The following ANKRD60 variants were observed in gnomAD, a reference collection of about 807,000 sequenced individuals.
ANKRD60 encodes ankyrin repeat domain-containing protein 60.
ANKRD60 carries 24 observed loss-of-function variants against 21.3 expected under a neutral mutation model. That is an observed-to-expected ratio of 1.13 (90% CI 0.82 to 1.59). The LOEUF (loss-of-function observed/expected upper bound fraction) is 1.59, where lower values mean the gene tolerates loss of function less well. ANKRD60 is among the 40% of genes most tolerant of loss of function. ANKRD60 has a pLI of 0.00. For synonymous variants in ANKRD60, 182 were observed against 199.4 expected, an observed-to-expected ratio of 0.91 and a Z score of 0.74; for missense variants, 490 against 466.7, an observed-to-expected ratio of 1.05 and a Z score of -0.46.
At chr20:58,218,084 C>T (rs191159996), downstream of ANKRD60, among the ~76,000 whole-genome samples, 3 of 152,290 alleles carry the variant, frequency 2.0e-5, no homozygotes, top group East Asian at 1.9e-4. Context: ...ACACTACACA[C>T]GACCTCCTGA....
chr20:58,225,611 T>C lies in ANKRD60; in HGVS notation c.431-2429A>G, dbSNP rs148017721. Among the ~76,000 whole-genome samples, 347 of 152,206 alleles carry C rather than the reference T, an allele frequency of 2.3e-3. 1 individual carries two copies. The highest frequency in any genetic ancestry group is 7.9e-3 in the African/African-American group (327 of 41,524). ...AATTCCAGAGCTGGTTTCTCTGTGT[T>C]ACGGATTAGGAAACTGAGCCCAGAA... On this transcript the variant is annotated intron_variant, in intron 1 of 3. Coordinates refer to ENST00000457363, the Ensembl canonical transcript of ANKRD60.
chr20:58,221,654 T>G (rs1984257045), intron 2 of ANKRD60, among the ~76,000 whole-genome samples, 151 bp from the exon 3 acceptor site: 1 of 152,126 alleles, frequency 6.6e-6, no homozygotes, highest in Admixed American at 6.5e-5. Flanking sequence ...CATGAAAAGC[T>G]GAGAAACACC....
rs1171853678 is a variant in ANKRD60 at position 58,218,821 on chromosome 20, A to G, written c.728-16T>C. ...CAGCTGGCTCCTGTAAAATAAGAAC[A>G]TTGGCCAGAAGGAAGACATGCGGAG... On this transcript the variant is annotated splice_polypyrimidine_tract_variant and intron_variant, in intron 3 of 3. Coordinates refer to ENST00000457363, the Ensembl canonical transcript of ANKRD60. 4 of 1,517,438 alleles carry G rather than the reference A, an allele frequency of 2.6e-6. No individual in the cohort carries two copies. The highest frequency in any genetic ancestry group is 3.5e-6 in the Non-Finnish European group (4 of 1,128,904). The allele number at this position is 1,517,438 out of a possible 1,614,324, so 94.0% of individuals were successfully genotyped here.
chr20:58,220,766 C>G (rs1171961484), intron 3 of ANKRD60, among the ~76,000 whole-genome samples: 1 of 151,064 alleles, frequency 6.6e-6, no homozygotes, highest in Non-Finnish European at 1.5e-5. Flanking sequence ...GTAGCTGGGA[C>G]TACAGGTACG....
chr20:58,216,322 T>C (rs916950415), downstream of ANKRD60, among the ~76,000 whole-genome samples: 2 of 152,224 alleles, frequency 1.3e-5, no homozygotes, highest in Non-Finnish European at 2.9e-5. Flanking sequence ...CTTAATTGAA[T>C]TGGGGGTAGA....
rs889405690 is a variant in ANKRD60 at position 58,226,072 on chromosome 20, C to G, written c.430+2152G>C. 3.3e-5 allele frequency among the ~76,000 whole-genome samples: 5 copies of G among 152,236 alleles called. No individual in the cohort carries two copies. In the East Asian group the frequency reaches 9.7e-4, roughly 29 times the overall value. On this transcript the variant is annotated intron_variant, in intron 1 of 3. Coordinates refer to ENST00000457363, the Ensembl canonical transcript of ANKRD60. ...GTTCTGGGTTCTGATTCCAGCTGGG[C>G]TAGCTTTGAGCTCCCGATGTGAACA...
At position 58,219,983 on chromosome 20, in the gene ANKRD60, T is replaced by G. The variant is rs558290797; in HGVS notation, c.728-1178A>C. On this transcript the variant is annotated intron_variant, in intron 3 of 3. Transcript: ENST00000457363. ...GAAGGAGAATATTGTTGAGGTAACC[T>G]TTACCCATCACAGAGGTTTGTACAC... Among the ~76,000 whole-genome samples the G allele has an allele frequency of 4.6e-5, 7 of 152,300 alleles. No individual in the cohort carries two copies. In the East Asian group the frequency reaches 9.6e-4, roughly 21 times the overall value.
rs1283781060 is a variant in ANKRD60, at chr20:58,228,075, C to T, written c.430+149G>A. On this transcript the variant is annotated intron_variant, in intron 1 of 3. Coordinates refer to ENST00000457363, the Ensembl canonical transcript of ANKRD60. The surrounding 1 kb of genome is among the most constrained non-coding windows in gnomAD (Gnocchi z 5.3). Reference sequence around the variant, plus strand: ...GTGGCCAGGACCCTAAGTGGCCCTTCCATCTGGGTTTCAGGGTGGTTGGGT... The same window carrying T: ...GTGGCCAGGACCCTAAGTGGCCCTTTCATCTGGGTTTCAGGGTGGTTGGGT... The T allele has an allele frequency of 1.4e-5, 11 of 763,884 alleles. No individual in the cohort carries two copies. In the East Asian group the frequency reaches 3.1e-4, roughly 22 times the overall value. 47.3% of individuals were successfully genotyped at this position (763,884 alleles called of 1,614,324 possible).
Position 58,228,418 on chromosome 20 carries a change from T to C in ANKRD60, c.236A>G (p.Asp79Gly), listed in dbSNP as rs1286113026. The C allele has an allele frequency of 5.2e-6, 8 of 1,541,574 alleles. No individual in the cohort carries two copies. Among genetic ancestry groups the C allele is most frequent in the Non-Finnish European group, 6.1e-6 (7 of 1,146,142 alleles). Reference sequence around the variant, plus strand: ...GGGCAAGGCACTCGCGGCCTTCGGGTCACAGACGAGCCGCTGGCTCCGGCC... The same window carrying C: ...GGGCAAGGCACTCGCGGCCTTCGGGCCACAGACGAGCCGCTGGCTCCGGCC... Residue 79 changes from aspartate (D) to glycine (G), a missense_variant, in exon 1 of 4, where the codon GAC (aspartate) becomes GGC (glycine). Asp to Gly is a moderately conservative substitution (Grantham distance 94, BLOSUM62 -1). Transcript: ENST00000457363. This position sits in a 1 kb window ranked among gnomAD's most constrained non-coding sequence, Gnocchi z 5.3.
chr20:58,219,539 C>G (rs562448372), intron 3 of ANKRD60, among the ~76,000 whole-genome samples: 20 of 152,298 alleles, frequency 1.3e-4, no homozygotes, highest in Non-Finnish European at 4.4e-5. Flanking sequence ...GATTTCACTT[C>G]GATTAAATTC....
chr20:58,228,243 C>A lies in ANKRD60; in HGVS notation c.411G>T (p.Arg137=). ...AGCCACCTTCGTCGAGGTACTGGAGCCGCTGGAGGTTGAAGGGGATGCCGA... is the reference window on the plus strand; with the variant it reads ...AGCCACCTTCGTCGAGGTACTGGAGACGCTGGAGGTTGAAGGGGATGCCGA... Residue 137 remains arginine, a synonymous_variant, in exon 1 of 4, where the codon CGG becomes CGT. Coordinates refer to ENST00000457363, the Ensembl canonical transcript of ANKRD60. The surrounding 1 kb of genome is among the most constrained non-coding windows in gnomAD (Gnocchi z 5.3). 1 of 1,549,888 alleles carries A rather than the reference C, an allele frequency of 6.5e-7. No homozygotes were observed. The highest frequency in any genetic ancestry group is 8.7e-7 in the Non-Finnish European group (1 of 1,145,924).
chr20:58,222,339 G>A (rs770051385), intron 2 of ANKRD60, among the ~76,000 whole-genome samples: 10 of 152,020 alleles, frequency 6.6e-5, no homozygotes, highest in Admixed American at 3.9e-4. Flanking sequence ...CACCTGCCCC[G>A]AGCCCACGCA....
downstream of ANKRD60, among the ~76,000 whole-genome samples, chr20:58,217,337 G>C (rs1457944748): frequency 6.6e-6 from 1 of 152,048 alleles, no homozygotes; most frequent in Non-Finnish European, 1.5e-5. Flanking sequence ...GCTGAGGCAG[G>C]AGAATCGCTT....
chr20:58,216,272 C>T (rs1315540232), downstream of ANKRD60, among the ~76,000 whole-genome samples: 2 of 152,144 alleles, frequency 1.3e-5, no homozygotes, highest in African/African-American at 4.8e-5. Flanking sequence ...CAAAATGTCA[C>T]CATGAAGAGT....
At chr20:58,223,221 A>G (rs1248616686) in intron 1 of ANKRD60, 39 bp from the exon 2 acceptor site, 2 of 1,515,680 alleles carry the variant, frequency 1.3e-6, no homozygotes, top group Admixed American at 4.3e-5. Context: ...AAAATTGGGT[A>G]TTAAAGATAA....
At chr20:58,221,059 T>G (rs977219524) in intron 3 of ANKRD60, among the ~76,000 whole-genome samples, 1 of 152,192 alleles carries the variant, frequency 6.6e-6, no homozygotes, top group African/African-American at 2.4e-5. Context: ...CCTTTATAGC[T>G]GCCGCCTGTG....
intron 3 of ANKRD60, among the ~76,000 whole-genome samples, chr20:58,220,493 G>GAGAC (rs1200390726): frequency 8.8e-5 from 12 of 135,966 alleles, no homozygotes; most frequent in African/African-American, 3.5e-4. Flanking sequence ...GAGAGCCAGA[G>GAGAC]AGAGAGAGAG....
At chr20:58,223,246 T>G (rs2122808594) in intron 1 of ANKRD60, 64 bp from the exon 2 acceptor site, 1 of 1,367,072 alleles carries the variant, frequency 7.3e-7, no homozygotes, top group South Asian at 1.4e-5. Context: ...CTACATTGGT[T>G]AAGTTAAGAG....
chr20:58,223,013 C>T (rs1779466372), intron 2 of ANKRD60, 39 bp downstream of exon 2: 13 of 1,517,048 alleles, frequency 8.6e-6, no homozygotes, highest in Middle Eastern at 1.7e-4. Flanking sequence ...ACGGTTGCTT[C>T]GTAACGTATA....
Sources: gnomAD v4.1 joint callset for allele counts (sites outside exome capture counted in the v4.1 genomes callset) on GRCh38, gnomAD v4.1.1 for gene constraint, Gnocchi (gnomAD v3.1) non-coding constraint, MANE v1.5 for transcripts, NCBI Gene and HGNC (gene_info 2026-07-23, HGNC 2026-07-21) for gene names.